Variants in NKX1-1 observed in about 807,000 individuals in gnomAD.
NKX1-1 encodes NK1 homeobox 1.
NKX1-1 carries 7 observed loss-of-function variants against 1.7 expected under a neutral mutation model. That is an observed-to-expected ratio of 4.22 (90% CI 2.40 to 7.92). The LOEUF is 7.92. Among genes scored for constraint, NKX1-1 ranks in the 30% most tolerant of loss-of-function variants. The pLI, the probability that NKX1-1 is intolerant of heterozygous loss-of-function variation, is 0.00. For synonymous variants in NKX1-1, 242 were observed against 85.3 expected (o/e 2.84, Z -10.13); for missense variants, 453 against 171.5 (o/e 2.64, Z -9.17).
chr4:1,406,223 C>G lies in NKX1-1; in HGVS notation c.220G>C (p.Ala74Pro). ...APEGAGAARP[A>P]APLRPTSFSV... ...AAGGAGGTGGGGCGCAGGGGCGCTG[C>G]GGGCCGGGCCGCTCCAGCCCCCTCG... Residue 74 changes from alanine to proline, a missense_variant, in exon 1 of 2, where the codon GCA becomes CCA. Physicochemically the swap from Ala to Pro is conservative, Grantham distance 27. Coordinates refer to ENST00000422806, the MANE Select transcript of NKX1-1 (RefSeq NM_001290079.1). The G allele has an allele frequency of 3.7e-6, 2 of 537,334 alleles. No individual in the cohort carries two copies. 33.3% of individuals were successfully genotyped at this position (537,334 alleles called of 1,614,324 possible).
At position 1,403,488 on chromosome 4, in the gene NKX1-1, G is replaced by C. The variant is rs1342109028; in HGVS notation, c.791C>G (p.Ala264Gly). The change falls in exon 2 of 2, where the codon GCG (alanine) becomes GGG (glycine). Residue 264 changes from alanine (A) to glycine (G), a missense_variant. Coordinates refer to ENST00000422806, the MANE Select transcript of NKX1-1 (RefSeq NM_001290079.1). ...PVAQGPPGGA[A>G]APGGAGTTPQ... ...GGTGGTCCCCGCGCCCCCCGGCGCC[G>C]CTGCACCTCCCGGTGGGCCCTGGGC... 1.8e-6 allele frequency: 1 copy of C among 547,834 alleles called. No individual in the cohort carries two copies. 33.9% of individuals were successfully genotyped at this position (547,834 alleles called of 1,614,324 possible).
chr4:1,403,191 G>T lies in NKX1-1; in HGVS notation c.1088C>A (p.Pro363Gln), dbSNP rs781698634. 1.5e-6 allele frequency: 1 copy of T among 665,944 alleles called. No homozygotes were observed. Among genetic ancestry groups the T allele is most frequent in the Non-Finnish European group, 2.8e-6 (1 of 363,418 alleles). The allele number at this position is 665,944 out of a possible 1,614,324, so 41.3% of individuals were successfully genotyped here. A position where few individuals can be genotyped will look rare whatever the true frequency, so the allele number is the denominator to read the frequency against. ...KQNPGADTSA[P>Q]TGGGGGPGPG... ...TCCCGGTCCGCCCCCGCCGCCGGTC[G>T]GAGCGCTGGTGTCGGCGCCCGGGTT... Residue 363 changes from proline to glutamine, a missense_variant, in exon 2 of 2, where the codon CCG (proline) becomes CAG (glutamine). Coordinates refer to ENST00000422806, the MANE Select transcript of NKX1-1 (RefSeq NM_001290079.1).
chr4:1,404,418 C>T (rs987753583), intron 1 of NKX1-1, among the ~76,000 whole-genome samples: 1 of 152,218 alleles, frequency 6.6e-6, no homozygotes, highest in African/African-American at 2.4e-5. Flanking sequence ...AGCCTCCAGG[C>T]CCTGAGCTTC....
chr4:1,405,889 C>T, intron 1 of NKX1-1, 91 bp downstream of exon 1: 1 of 406,100 alleles, frequency 2.5e-6, no homozygotes, highest in Non-Finnish European at 4.3e-6. Flanking sequence ...GTGGGCCAGA[C>T]CCAACTCGCC....
chr4:1,403,467 G>A lies in NKX1-1; in HGVS notation c.812C>T (p.Thr271Ile), dbSNP rs1399771297. The A allele has an allele frequency of 9.9e-5, 59 of 596,628 alleles. No homozygotes were observed. Among genetic ancestry groups the A allele is most frequent in the Non-Finnish European group, 1.8e-4 (59 of 336,086 alleles). The allele number at this position is 596,628 out of a possible 1,614,324, so 37.0% of individuals were successfully genotyped here. Reference protein sequence around the residue: ...GGAAAPGGAGTTPQGTATAAK... With the variant: ...GGAAAPGGAGITPQGTATAAK... ...CGCCGTCGCCGTGCCCTGCGGGGTGGTCCCCGCGCCCCCCGGCGCCGCTGC... is the reference window on the plus strand; with the variant it reads ...CGCCGTCGCCGTGCCCTGCGGGGTGATCCCCGCGCCCCCCGGCGCCGCTGC... The change falls in exon 2 of 2, where the codon ACC becomes ATC. Residue 271 changes from threonine (T) to isoleucine (I), a missense_variant. By Grantham distance (89) the Thr-to-Ile change is moderately conservative. Coordinates refer to ENST00000422806, the MANE Select transcript of NKX1-1 (RefSeq NM_001290079.1).
Position 1,406,388 on chromosome 4 carries a change from G to T in NKX1-1, c.55C>A (p.Pro19Thr). Residue 19 changes from proline to threonine, a missense_variant, in exon 1 of 2, where the codon CCC (proline) becomes ACC (threonine). Pro to Thr is a conservative substitution (Grantham distance 38). Coordinates refer to ENST00000422806, the MANE Select transcript of NKX1-1 (RefSeq NM_001290079.1). ...PGDIPALPPP[P>T]QPGSGPAPPA... Reference sequence around the variant, plus strand: ...GGTGCGGGCCCCGAACCTGGCTGGGGAGGCGGCGGTAGCGCGGGAATGTCC... The same window carrying T: ...GGTGCGGGCCCCGAACCTGGCTGGGTAGGCGGCGGTAGCGCGGGAATGTCC... 1 of 357,378 alleles carries T rather than the reference G, an allele frequency of 2.8e-6. No individual in the cohort carries two copies. The highest frequency in any genetic ancestry group is 1.3e-4 in the South Asian group (1 of 7,582). The allele number at this position is 357,378 out of a possible 1,614,324, so 22.1% of individuals were successfully genotyped here. A position where few individuals can be genotyped will look rare whatever the true frequency, so the allele number is the denominator to read the frequency against.
In NKX1-1 at chr4:1,406,317, G is replaced by A. The variant is rs1419424889; in HGVS notation, c.126C>T (p.Ala42=). The A allele has an allele frequency of 6.1e-5, 24 of 394,098 alleles. No homozygotes were observed. Among genetic ancestry groups the A allele is most frequent in the Admixed American group, 4.6e-5 (1 of 21,838 alleles). 24.4% of individuals were successfully genotyped at this position (394,098 alleles called of 1,614,324 possible). A position where few individuals can be genotyped will look rare whatever the true frequency, so the allele number is the denominator to read the frequency against. Reference sequence around the variant, plus strand: ...CAGCGCGGGGAAAGGCCGGCAGCTCGGCGCGCCCGTCCATAGCTTCCTGGG... The same window carrying A: ...CAGCGCGGGGAAAGGCCGGCAGCTCAGCGCGCCCGTCCATAGCTTCCTGGG... The part of the protein sequence containing the change: ...AAAQEAMDGR[A]ELPAFPRAGA... The change falls in exon 1 of 2, where the codon GCC becomes GCT. Residue 42 remains alanine (A), a synonymous_variant. Transcript: ENST00000422806.
chr4:1,406,319 C>T lies in NKX1-1; in HGVS notation c.124G>A (p.Ala42Thr). 5.1e-6 allele frequency: 2 copies of T among 393,250 alleles called. No individual in the cohort carries two copies. Among genetic ancestry groups the T allele is most frequent in the Non-Finnish European group, 4.4e-6 (1 of 224,960 alleles). The allele number at this position is 393,250 out of a possible 1,614,324, so 24.4% of individuals were successfully genotyped here. Reference sequence around the variant, plus strand: ...GCGCGGGGAAAGGCCGGCAGCTCGGCGCGCCCGTCCATAGCTTCCTGGGCA... The same window carrying T: ...GCGCGGGGAAAGGCCGGCAGCTCGGTGCGCCCGTCCATAGCTTCCTGGGCA... ...AAAQEAMDGR[A>T]ELPAFPRAGA... is the part of the protein sequence containing the mutation. The change falls in exon 1 of 2, where the codon GCC becomes ACC. Residue 42 changes from alanine (A) to threonine (T), a missense_variant. Coordinates refer to ENST00000422806, the MANE Select transcript of NKX1-1 (RefSeq NM_001290079.1).
intron 1 of NKX1-1, among the ~76,000 whole-genome samples, chr4:1,404,770 G>A (rs952194347): frequency 1.2e-4 from 19 of 152,216 alleles, no homozygotes; most frequent in African/African-American, 4.6e-4. Context: ...CCTGCTCTCC[G>A]GCCAGGTCGG....
In NKX1-1 at chr4:1,406,037, C is replaced by T; in HGVS notation, c.406G>A (p.Glu136Lys). ...CCGGCGCCGGCGAGGGCGCGGCGCT[C>T]CAGCTCCTCCGCGCGTGGCGGGCGT... ...SGRPPRAEEL[E>K]RRALAGAGGV... Residue 136 changes from glutamate to lysine, a missense_variant, in exon 1 of 2, where the codon GAG (glutamate) becomes AAG (lysine). Physicochemically the swap from Glu to Lys is moderately conservative, Grantham distance 56. Transcript: ENST00000422806. 1 of 484,620 alleles carries T rather than the reference C, an allele frequency of 2.1e-6. No homozygotes were observed. 30.0% of individuals were successfully genotyped at this position (484,620 alleles called of 1,614,324 possible). A position where few individuals can be genotyped will look rare whatever the true frequency, so the allele number is the denominator to read the frequency against.
rs1032052677 is a variant in NKX1-1, at chr4:1,403,188, G to T, written c.1091C>A (p.Thr364Asn). 3.0e-6 allele frequency: 2 copies of T among 661,460 alleles called. No individual in the cohort carries two copies. Among genetic ancestry groups the T allele is most frequent in the Non-Finnish European group, 5.5e-6 (2 of 361,228 alleles). The allele number at this position is 661,460 out of a possible 1,614,324, so 41.0% of individuals were successfully genotyped here. ...CGGTCCCGGTCCGCCCCCGCCGCCG[G>T]TCGGAGCGCTGGTGTCGGCGCCCGG... ...QNPGADTSAP[T>N]GGGGGPGPGA... Residue 364 changes from threonine to asparagine, a missense_variant, in exon 2 of 2, where the codon ACC (threonine) becomes AAC (asparagine). Physicochemically the swap from Thr to Asn is moderately conservative, Grantham distance 65. Transcript: ENST00000422806.
At chr4:1,405,162 G>A (rs1304033716) in intron 1 of NKX1-1, among the ~76,000 whole-genome samples, 1 of 152,190 alleles carries the variant, frequency 6.6e-6, no homozygotes, top group South Asian at 2.1e-4. Context: ...GCAGCCTCCA[G>A]GCGCAGAGCC....
At chr4:1,404,330 G>C (rs1218420486) in intron 1 of NKX1-1, among the ~76,000 whole-genome samples, 4 of 152,256 alleles carry the variant, frequency 2.6e-5, no homozygotes, top group Non-Finnish European at 5.9e-5. Flanking sequence ...TAACAGGCCC[G>C]GCGGTGGGGC....
chr4:1,406,127 C>T lies in NKX1-1; in HGVS notation c.316G>A (p.Val106Met). 1 of 608,742 alleles carries T rather than the reference C, an allele frequency of 1.6e-6. No homozygotes were observed. Among genetic ancestry groups the T allele is most frequent in the Non-Finnish European group, 2.9e-6 (1 of 339,790 alleles). 37.7% of individuals were successfully genotyped at this position (608,742 alleles called of 1,614,324 possible). Residue 106 changes from valine (V) to methionine (M), a missense_variant, in exon 1 of 2, where the codon GTG (valine) becomes ATG (methionine). Val to Met is a conservative substitution (Grantham distance 21, BLOSUM62 1). Transcript: ENST00000422806. ...CAAGGGGCGCACGCAGCGGGAGCCA[C>T]TGGGCCCAGCAGCACGCAACGACGC... ...RRRRCVLLGP[V>M]APAACAPCAS...
chr4:1,404,311 G>C (rs1720715254), intron 1 of NKX1-1, among the ~76,000 whole-genome samples: 1 of 152,266 alleles, frequency 6.6e-6, no homozygotes. Context: ...CCAATTGCCG[G>C]GCATTTAATA....
At chr4:1,404,110 C>T (rs1357024821) in intron 1 of NKX1-1, among the ~76,000 whole-genome samples, 1 of 152,212 alleles carries the variant, frequency 6.6e-6, no homozygotes, top group Non-Finnish European at 1.5e-5. Context: ...GCGTTTTTGC[C>T]TGAGCGGGGC....
At position 1,403,521 on chromosome 4, in the gene NKX1-1, G is replaced by C. The variant is rs902639070; in HGVS notation, c.758C>G (p.Ser253Trp). The C allele has an allele frequency of 5.4e-5, 26 of 481,334 alleles. No homozygotes were observed. The highest frequency in any genetic ancestry group is 6.2e-5 in the Non-Finnish European group (17 of 275,618). The allele number at this position is 481,334 out of a possible 1,614,324, so 29.8% of individuals were successfully genotyped here. The change falls in exon 2 of 2, where the codon TCG becomes TGG. Residue 253 changes from serine to tryptophan, a missense_variant. Transcript: ENST00000422806. ...EAAAPGPREN[S>W]PVAQGPPGGA... Reference sequence around the variant, plus strand: ...TCCCGGTGGGCCCTGGGCAACGGGCGAGTTCTCGCGGGGTCCGGGGGCCGC... The same window carrying C: ...TCCCGGTGGGCCCTGGGCAACGGGCCAGTTCTCGCGGGGTCCGGGGGCCGC...
At chr4:1,403,850 GT>G in intron 1 of NKX1-1, 35 bp from the exon 2 acceptor site, 1 of 600,238 alleles carries the variant, frequency 1.7e-6, no homozygotes, top group Non-Finnish European at 3.0e-6. Context: ...GGGCAGGGCA[GT>G]TAGGACCGGC....
At chr4:1,405,030 T>A (rs966539717) in intron 1 of NKX1-1, among the ~76,000 whole-genome samples, 4 of 151,966 alleles carry the variant, frequency 2.6e-5, no homozygotes, top group East Asian at 1.9e-4. Flanking sequence ...CCCCATAGAC[T>A]CCCCGCAGGT....
Sources: gnomAD v4.1 joint callset for allele counts (sites outside exome capture counted in the v4.1 genomes callset) on GRCh38, gnomAD v4.1.1 for gene constraint, MANE v1.5 for transcripts, NCBI Gene and HGNC (gene_info 2026-07-23, HGNC 2026-07-21) for gene names.